The following ZNF521 variants were observed in gnomAD, a reference collection of about 807,000 sequenced individuals.
ZNF521 encodes LYST-interacting protein 3.
ZNF521 carries 14 observed loss-of-function variants against 105.5 expected under a neutral mutation model. The observed-to-expected ratio is 0.13, with a 90% CI of 0.09 to 0.21. The LOEUF is 0.21. ZNF521 is among the 10% of genes least tolerant of loss of function. The pLI, the probability that ZNF521 is intolerant of heterozygous loss-of-function variation, is 1.00. For missense variants in ZNF521, 1,233 were observed against 1,629.7 expected (o/e 0.76, Z 4.19); for synonymous variants, 635 against 606.0 (o/e 1.05, Z -0.70).
At chr18:25,262,550 T>C (rs1340616369) in intron 3 of ZNF521, among the ~76,000 whole-genome samples, 1 of 152,202 alleles carries the variant, frequency 6.6e-6, no homozygotes, top group African/African-American at 2.4e-5. Flanking sequence ...CTATAAACAT[T>C]TACTGATCAT....
intron 5 of ZNF521, among the ~76,000 whole-genome samples, chr18:25,161,782 A>G (rs1490228697): frequency 6.6e-6 from 1 of 152,192 alleles, no homozygotes; most frequent in Non-Finnish European, 1.5e-5. Flanking sequence ...TAAGCACTAA[A>G]ATGATGTGAT....
chr18:25,280,195 C>T (rs1910277267), intron 3 of ZNF521, among the ~76,000 whole-genome samples: 1 of 152,222 alleles, frequency 6.6e-6, no homozygotes, highest in Admixed American at 6.5e-5. Flanking sequence ...CTCAGACTCT[C>T]CCAGTCCTGA....
chr18:25,285,698 T>TCTCACACA (rs1185535267), intron 3 of ZNF521, among the ~76,000 whole-genome samples: 37 of 147,104 alleles, frequency 2.5e-4, no homozygotes, highest in East Asian at 1.8e-3. Context: ...TCTCTCTCTC[T>TCTCACACA]CACACACACA....
chr18:25,226,686 T>C lies in ZNF521; in HGVS notation c.1232A>G (p.Asn411Ser), dbSNP rs533662951. The C allele has an allele frequency of 1.2e-6, 2 of 1,614,198 alleles. No individual in the cohort carries two copies. Among genetic ancestry groups the C allele is most frequent in the South Asian group, 1.1e-5 (1 of 91,078 alleles). ...TGCAAGACTTGAAAATAATTGTTTGTTGCAGTAAATACAGCTGTAGGTAAC... is the reference window on the plus strand; with the variant it reads ...TGCAAGACTTGAAAATAATTGTTTGCTGCAGTAAATACAGCTGTAGGTAAC... ...AKVTYSCIYCNKQLFSSLAVL... is the reference protein window; with the variant it reads ...AKVTYSCIYCSKQLFSSLAVL... Residue 411 changes from asparagine (N) to serine (S), a missense_variant, in exon 4 of 8, where the codon AAC becomes AGC. Asn to Ser is a conservative substitution (Grantham distance 46). Coordinates refer to ENST00000361524, the MANE Select transcript of ZNF521 (RefSeq NM_015461.3). The surrounding 1 kb of genome is among the most constrained non-coding windows in gnomAD (Gnocchi z 4.1).
chr18:25,150,548 T>C (rs1368745884), intron 5 of ZNF521, among the ~76,000 whole-genome samples: 1 of 152,154 alleles, frequency 6.6e-6, no homozygotes, highest in African/African-American at 2.4e-5. Context: ...CCAGAGGATG[T>C]TGATCTTGGA....
intron 2 of ZNF521, among the ~76,000 whole-genome samples, chr18:25,333,859 G>T (rs1468760194): frequency 1.3e-5 from 2 of 152,184 alleles, no homozygotes; most frequent in Non-Finnish European, 2.9e-5. Context: ...ATTACCAGGG[G>T]CTAGTCAGCC....
At chr18:25,230,717 A>G (rs1012191660) in intron 3 of ZNF521, among the ~76,000 whole-genome samples, 4 of 152,156 alleles carry the variant, frequency 2.6e-5, no homozygotes, top group Admixed American at 6.5e-5. Flanking sequence ...CTGCATTTCA[A>G]TGTGAAGTAC....
At chr18:25,070,100 C>A (rs745740713) in intron 7 of ZNF521, among the ~76,000 whole-genome samples, 5 of 152,044 alleles carry the variant, frequency 3.3e-5, no homozygotes, top group African/African-American at 4.8e-5. Context: ...TCATCAGAAG[C>A]GATCAGAAGA....
intron 3 of ZNF521, among the ~76,000 whole-genome samples, chr18:25,267,078 G>T (rs568511647): frequency 9.9e-5 from 15 of 152,266 alleles, no homozygotes; most frequent in African/African-American, 3.6e-4. Context: ...TGGGATGCTT[G>T]AGCTTGGTGG....
At chr18:25,142,044 A>C (rs1318824942) in intron 5 of ZNF521, among the ~76,000 whole-genome samples, 2 of 152,170 alleles carry the variant, frequency 1.3e-5, no homozygotes, top group Non-Finnish European at 2.9e-5. Context: ...AGCTTAAGAC[A>C]CTAAATGTTT....
intron 4 of ZNF521, among the ~76,000 whole-genome samples, chr18:25,210,043 T>C (rs2036151207): frequency 6.6e-6 from 1 of 152,110 alleles, no homozygotes; most frequent in Admixed American, 6.6e-5. Context: ...TACATTATAA[T>C]AACAAATTGA....
rs976999476 is a variant in ZNF521 at position 25,315,983 on chromosome 18, C to T, written c.220+6025G>A. Among the ~76,000 whole-genome samples the T allele has an allele frequency of 1.8e-4, 28 of 152,248 alleles. 1 individual carries two copies. The highest frequency in any genetic ancestry group is 1.2e-3 in the Admixed American group (18 of 15,294). On this transcript the variant is annotated intron_variant, in intron 3 of 7. Coordinates refer to ENST00000361524, the MANE Select transcript of ZNF521 (RefSeq NM_015461.3). ...TGCAAATCAACAAGTTGTAAGATAG[C>T]TTTCACTTCTAATCATACTCTATAA...
chr18:25,347,921 G>T (rs1000243285), intron 2 of ZNF521, among the ~76,000 whole-genome samples: 1 of 152,222 alleles, frequency 6.6e-6, no homozygotes, highest in Non-Finnish European at 1.5e-5. Context: ...ATGTAAGACA[G>T]AAGTTGGAAA....
rs563921667 is a variant in ZNF521 at position 25,071,856 on chromosome 18, C to T, written c.3907-9115G>A. ...AGGGCCCTTCACCTTATGTCAGAGG[C>T]TTTGTTCTTGGAGGAGTCACACATG... On this transcript the variant is annotated intron_variant, in intron 7 of 7. Coordinates refer to ENST00000361524, the MANE Select transcript of ZNF521 (RefSeq NM_015461.3). Among the ~76,000 whole-genome samples, 6 of 152,266 alleles carry T rather than the reference C, an allele frequency of 3.9e-5. No homozygotes were observed. The South Asian group carries it at 1.2e-3, about 32-fold the overall frequency.
chr18:25,262,386 T>A (rs1908970612), intron 3 of ZNF521, among the ~76,000 whole-genome samples: 1 of 152,202 alleles, frequency 6.6e-6, no homozygotes, highest in African/African-American at 2.4e-5. Flanking sequence ...TTGAATGATT[T>A]TTTTCCGTCT....
At chr18:25,100,538 A>G (rs2144254614) in intron 5 of ZNF521, among the ~76,000 whole-genome samples, 1 of 152,278 alleles carries the variant, frequency 6.6e-6, no homozygotes, top group Admixed American at 6.5e-5. Context: ...CAAGGGGCTC[A>G]ATCCTGCTCC....
At chr18:25,073,172 C>T (rs894764731) in intron 7 of ZNF521, among the ~76,000 whole-genome samples, 6 of 152,022 alleles carry the variant, frequency 3.9e-5, no homozygotes, top group African/African-American at 7.3e-5. Flanking sequence ...CCCAGTCAAA[C>T]GCAATTAAAC....
chr18:25,095,184 C>T (rs890143749), intron 5 of ZNF521, among the ~76,000 whole-genome samples: 1 of 152,106 alleles, frequency 6.6e-6, no homozygotes, highest in African/African-American at 2.4e-5. Context: ...GTAAATGTAA[C>T]TGCTGTTTTA....
At chr18:25,072,695 C>T (rs930281668) in intron 7 of ZNF521, among the ~76,000 whole-genome samples, 2 of 152,154 alleles carry the variant, frequency 1.3e-5, no homozygotes, top group African/African-American at 4.8e-5. Context: ...TATATAAAGC[C>T]AGCACCAGTG....
Sources: gnomAD v4.1 joint callset for allele counts (sites outside exome capture counted in the v4.1 genomes callset) on GRCh38, gnomAD v4.1.1 for gene constraint, Gnocchi (gnomAD v3.1) non-coding constraint, MANE v1.5 for transcripts, NCBI Gene and HGNC (gene_info 2026-07-23, HGNC 2026-07-21) for gene names.